EYS: variants seen among roughly 807,000 people sequenced by gnomAD.
EYS encodes the protein EGF-like photoreceptor maintenance factor, also known as protein eyes shut homolog.
A neutral mutation model predicts 282.1 loss-of-function variants in EYS; 250 were observed. The ratio of observed to expected loss-of-function variants is 0.89; its 90% CI spans 0.80 to 0.98. The LOEUF is 0.98. Ranked by LOEUF, EYS falls within the 50% of genes least tolerant of loss-of-function variation. EYS has a pLI of 0.00. For synonymous variants in EYS, 1,355 were observed against 1,282.9 expected, an observed-to-expected ratio of 1.06 and a Z score of -1.20; for missense variants, 4,016 against 3,709.0, an observed-to-expected ratio of 1.08 and a Z score of -2.15.
At chr6:65,621,487 T>A (rs907982313) in intron 2 of EYS, among the ~76,000 whole-genome samples, 1 of 150,440 alleles carries the variant, frequency 6.6e-6, no homozygotes, top group Non-Finnish European at 1.5e-5. Context: ...AGCACACTGA[T>A]GGGTCTTGAC....
At chr6:64,994,129 G>A (rs1438101499) in intron 14 of EYS, among the ~76,000 whole-genome samples, 4 of 151,766 alleles carry the variant, frequency 2.6e-5, no homozygotes, top group African/African-American at 9.7e-5. Context: ...ACATAACAAA[G>A]TTACACTAGG....
Position 64,035,092 on chromosome 6 carries a change from C to T in EYS, c.6725+31246G>A, listed in dbSNP as rs367619637. ...GAGAAGCCAGGGATACTGCTGAACACGTGGCAGTACACATGACAGGCCCCA... is the reference window on the plus strand; with the variant it reads ...GAGAAGCCAGGGATACTGCTGAACATGTGGCAGTACACATGACAGGCCCCA... On this transcript the variant is annotated intron_variant, in intron 33 of 42. Transcript: ENST00000503581. 5.3e-5 allele frequency among the ~76,000 whole-genome samples: 8 copies of T among 152,260 alleles called. No homozygotes were observed. The East Asian group carries it at 1.2e-3, about 22-fold the overall frequency.
At chr6:64,362,471 T>C (rs1408894014) in intron 29 of EYS, among the ~76,000 whole-genome samples, 3 of 151,778 alleles carry the variant, frequency 2.0e-5, no homozygotes, top group African/African-American at 7.2e-5. Context: ...AAGCTAAGAA[T>C]AACCGGTATT....
chr6:63,927,949 C>T (rs1383424667), intron 35 of EYS, among the ~76,000 whole-genome samples: 1 of 152,190 alleles, frequency 6.6e-6, no homozygotes, highest in African/African-American at 2.4e-5. Context: ...CTCAGACAGG[C>T]TTCTCTACTC....
chr6:63,994,219 C>G (rs1199398509), intron 34 of EYS, among the ~76,000 whole-genome samples: 2 of 151,868 alleles, frequency 1.3e-5, no homozygotes, highest in Non-Finnish European at 2.9e-5. Context: ...CTATTCTCAA[C>G]AAGTATGCCA....
At chr6:63,946,002 G>A (rs1251216465) in intron 35 of EYS, among the ~76,000 whole-genome samples, 1 of 152,142 alleles carries the variant, frequency 6.6e-6, no homozygotes, top group African/African-American at 2.4e-5. Flanking sequence ...TTAGAGTTCA[G>A]GGTTCTCTTC....
At chr6:65,018,682 TG>T (rs1355885718) in intron 13 of EYS, among the ~76,000 whole-genome samples, 2 of 152,194 alleles carry the variant, frequency 1.3e-5, no homozygotes, top group Non-Finnish European at 2.9e-5. Flanking sequence ...TGTTGGTTTT[TG>T]TTTTTTGGTT....
chr6:64,175,688 C>T (rs1046493462), intron 31 of EYS, among the ~76,000 whole-genome samples: 1 of 152,118 alleles, frequency 6.6e-6, no homozygotes, highest in African/African-American at 2.4e-5. Context: ...GTAAGACCAG[C>T]ACAGGATGGG....
chr6:64,073,934 T>G (rs1394540683), intron 32 of EYS, among the ~76,000 whole-genome samples: 1 of 151,846 alleles, frequency 6.6e-6, no homozygotes, highest in Non-Finnish European at 1.5e-5. Flanking sequence ...AGTCATTCTA[T>G]TCTTTCACTG....
At chr6:64,886,374 T>C (rs1026174868) in intron 19 of EYS, among the ~76,000 whole-genome samples, 4 of 152,030 alleles carry the variant, frequency 2.6e-5, no homozygotes, top group African/African-American at 2.4e-5. Flanking sequence ...GTAACAGATA[T>C]AATAATGTTA....
At chr6:64,705,934 A>G (rs901390977) in intron 22 of EYS, among the ~76,000 whole-genome samples, 2 of 151,508 alleles carry the variant, frequency 1.3e-5, no homozygotes, top group African/African-American at 4.9e-5. Flanking sequence ...ATGTATACAT[A>G]TGTAAGTAAC....
At chr6:64,022,848 C>T (rs946977876) in intron 33 of EYS, among the ~76,000 whole-genome samples, 1 of 152,286 alleles carries the variant, frequency 6.6e-6, no homozygotes, top group East Asian at 1.9e-4. Flanking sequence ...TTTATAAAAC[C>T]GCCAACCTTC....
chr6:65,473,815 A>T (rs762741692), intron 5 of EYS, among the ~76,000 whole-genome samples: 1 of 151,696 alleles, frequency 6.6e-6, no homozygotes, highest in Non-Finnish European at 1.5e-5. Flanking sequence ...TCCACAGGAA[A>T]AATAACAATG....
intron 29 of EYS, among the ~76,000 whole-genome samples, chr6:64,308,689 G>T (rs1474142111): frequency 6.6e-6 from 1 of 151,840 alleles, no homozygotes; most frequent in Admixed American, 6.6e-5. Context: ...GAAATTTCAG[G>T]ATTAATATAT....
chr6:64,187,419 T>G (rs1254498766), intron 31 of EYS, among the ~76,000 whole-genome samples: 2 of 152,128 alleles, frequency 1.3e-5, no homozygotes, highest in Non-Finnish European at 2.9e-5. Context: ...ATCATGGTGG[T>G]TACTGGTGAG....
intron 31 of EYS, among the ~76,000 whole-genome samples, chr6:64,104,796 A>G (rs1262601140): frequency 5.6e-5 from 7 of 124,280 alleles, no homozygotes; most frequent in African/African-American, 1.9e-4. Flanking sequence ...CAAACTTGTT[A>G]TTTTGCAGCA....
At chr6:65,701,677 T>C (rs1041493989) in intron 1 of EYS, among the ~76,000 whole-genome samples, 1 of 152,222 alleles carries the variant, frequency 6.6e-6, no homozygotes, top group Non-Finnish European at 1.5e-5. Flanking sequence ...CTTGATTTTT[T>C]TTCTCACACC....
chr6:65,099,270 TAAAG>T (rs911899279), intron 12 of EYS, among the ~76,000 whole-genome samples: 7 of 150,572 alleles, frequency 4.6e-5, no homozygotes, highest in Non-Finnish European at 1.0e-4. Flanking sequence ...ACGAAAATAA[TAAAG>T]AGAGTGTCAT....
intron 12 of EYS, among the ~76,000 whole-genome samples, chr6:65,257,815 T>A (rs565758014): frequency 1.2e-4 from 18 of 152,006 alleles, no homozygotes; most frequent in Middle Eastern, 3.4e-3. Context: ...TTCATGGAGA[T>A]AGTGAGTAGA....
Sources: allele counts gnomAD v4.1 joint callset (sites outside exome capture counted in the v4.1 genomes callset), GRCh38; gene constraint gnomAD v4.1.1; transcripts MANE v1.5; gene names NCBI Gene and HGNC (gene_info 2026-07-23, HGNC 2026-07-21).